The following RSPO4 variants were observed in gnomAD, a reference collection of about 807,000 sequenced individuals.
RSPO4 encodes R-spondin-4.
A neutral mutation model predicts 24.8 loss-of-function variants in RSPO4; 23 were observed. The observed-to-expected ratio is 0.93, with a 90% CI of 0.67 to 1.31. The LOEUF is 1.31. Among genes scored for constraint, RSPO4 ranks in the 40% most tolerant of loss-of-function variants. The pLI is 0.00. For missense variants in RSPO4, 333 were observed against 316.5 expected, an observed-to-expected ratio of 1.05 and a Z score of -0.39; for synonymous variants, 141 against 127.4, an observed-to-expected ratio of 1.11 and a Z score of -0.72.
intron 1 of RSPO4, among the ~76,000 whole-genome samples, chr20:972,559 G>A (rs1443306070): frequency 1.3e-5 from 2 of 152,222 alleles, no homozygotes; most frequent in Non-Finnish European, 2.9e-5. Context: ...AGGCTTAAGA[G>A]TGGAGCCATG....
intron 1 of RSPO4, among the ~76,000 whole-genome samples, chr20:980,277 C>T (rs574888754): frequency 1.1e-4 from 17 of 152,074 alleles, no homozygotes; most frequent in Admixed American, 5.2e-4. Context: ...TATCCCTGTG[C>T]GCCTCCTCAG....
chr20:963,268 TG>T (rs1200602355), intron 4 of RSPO4, among the ~76,000 whole-genome samples: 2 of 152,206 alleles, frequency 1.3e-5, no homozygotes, highest in African/African-American at 4.8e-5. Context: ...CTGAAAAGTC[TG>T]CTTGCTGGGA....
intron 1 of RSPO4, among the ~76,000 whole-genome samples, chr20:977,354 C>G (rs769636353): frequency 6.6e-6 from 1 of 152,216 alleles, no homozygotes; most frequent in African/African-American, 2.4e-5. Context: ...AATTTCAGCT[C>G]TGCCCCTTAC....
At chr20:997,290 G>A (rs1451552523) in intron 1 of RSPO4, among the ~76,000 whole-genome samples, 1 of 152,116 alleles carries the variant, frequency 6.6e-6, no homozygotes, top group Non-Finnish European at 1.5e-5. Context: ...AGAGGGAGGT[G>A]GGGCCCCCCG....
chr20:974,260 C>CT (rs1984495889), intron 1 of RSPO4, among the ~76,000 whole-genome samples: 1 of 152,214 alleles, frequency 6.6e-6, no homozygotes, highest in Admixed American at 6.5e-5. Context: ...TCACAGTTTC[C>CT]TTTCCCTGAG....
At chr20:998,220 C>A (rs763777157) in intron 1 of RSPO4, among the ~76,000 whole-genome samples, 1 of 152,098 alleles carries the variant, frequency 6.6e-6, no homozygotes, top group Admixed American at 6.5e-5. Flanking sequence ...ATGTGGGGGT[C>A]CCTCCCCAGA....
intron 1 of RSPO4, among the ~76,000 whole-genome samples, chr20:989,744 G>T (rs1427860244): frequency 1.3e-5 from 2 of 152,192 alleles, no homozygotes; most frequent in South Asian, 4.1e-4. Flanking sequence ...CCTCATCCGC[G>T]AAGTGGAAAC....
intron 1 of RSPO4, among the ~76,000 whole-genome samples, chr20:994,856 G>A (rs1408925321): frequency 1.3e-5 from 2 of 152,210 alleles, no homozygotes; most frequent in East Asian, 1.9e-4. Flanking sequence ...GAGCCACTGC[G>A]CCTGGCTCCA....
At position 1,002,278 on chromosome 20, in the gene RSPO4, C is replaced by T. The variant is rs996554086; in HGVS notation, c.-114G>A. On this transcript the variant is annotated 5_prime_UTR_variant, in exon 1 of 5. Transcript: ENST00000217260. This position sits in a 1 kb window ranked among gnomAD's most constrained non-coding sequence, Gnocchi z 4.6. Reference sequence around the variant, plus strand: ...GCTGCTGTGGGCGCGCCGGGCGCATCCGCCAGGCGCGGGTCGGTCCGGCCG... The same window carrying T: ...GCTGCTGTGGGCGCGCCGGGCGCATTCGCCAGGCGCGGGTCGGTCCGGCCG... 4.2e-6 allele frequency: 2 copies of T among 478,372 alleles called. No homozygotes were observed. The highest frequency in any genetic ancestry group is 8.9e-5 in the South Asian group (1 of 11,212). 29.6% of individuals were successfully genotyped at this position (478,372 alleles called of 1,614,324 possible). A position where few individuals can be genotyped will look rare whatever the true frequency, so the allele number is the denominator to read the frequency against.
Position 960,464 on chromosome 20 carries a change from T to G in RSPO4, c.598A>C (p.Arg200=). ...CPIQRPCPGE[R]SPGQKKGRKD... Reference sequence around the variant, plus strand: ...CTGCCCTTCTTCTGGCCGGGGCTCCTCTCTGCAATGAGAGGACAGAGCCCG... The same window carrying G: ...CTGCCCTTCTTCTGGCCGGGGCTCCGCTCTGCAATGAGAGGACAGAGCCCG... The change falls in exon 5 of 5, where the codon AGG becomes CGG. Residue 200 remains arginine, a splice_region_variant and synonymous_variant. Transcript: ENST00000217260. 6.5e-7 allele frequency: 1 copy of G among 1,538,360 alleles called. No individual in the cohort carries two copies. Among genetic ancestry groups the G allele is most frequent in the Non-Finnish European group, 8.7e-7 (1 of 1,146,324 alleles).
In RSPO4 at chr20:980,565, C is replaced by T. The variant is rs563911153; in HGVS notation, c.80-12427G>A. On this transcript the variant is annotated intron_variant, in intron 1 of 4. Transcript: ENST00000217260. ...TTCTCCAGGAGTGAGTCTCCTGCCTCGCAGCTGGGACTTGGGGAGGATGAA... is the reference window on the plus strand; with the variant it reads ...TTCTCCAGGAGTGAGTCTCCTGCCTTGCAGCTGGGACTTGGGGAGGATGAA... Among the ~76,000 whole-genome samples, 9 of 152,330 alleles carry T rather than the reference C, an allele frequency of 5.9e-5. No homozygotes were observed. The South Asian group carries it at 1.5e-3, about 25-fold the overall frequency.
chr20:993,183 CAG>C (rs1347631134), intron 1 of RSPO4, among the ~76,000 whole-genome samples: 1 of 152,174 alleles, frequency 6.6e-6, no homozygotes, highest in Non-Finnish European at 1.5e-5. Context: ...GCTGGTGAAA[CAG>C]AATTTCCCAC....
In RSPO4 at chr20:964,055, A is replaced by G; in HGVS notation, c.475T>C (p.Ser159Pro). Reference sequence around the variant, plus strand: ...ACCCGGCTCTCCAGGCCCCAAGCCGAGCCGCAGGTCTTTCCATTGTGTGTG... The same window carrying G: ...ACCCGGCTCTCCAGGCCCCAAGCCGGGCCGCAGGTCTTTCCATTGTGTGTG... ...PCTHNGKTCG[S>P]AWGLESRVRE... is the part of the protein sequence containing the mutation. Residue 159 changes from serine to proline, a missense_variant, in exon 4 of 5, where the codon TCG becomes CCG. By Grantham distance (74) the Ser-to-Pro change is moderately conservative (BLOSUM62 -1). Coordinates refer to ENST00000217260, the MANE Select transcript of RSPO4 (RefSeq NM_001029871.4). 1 of 1,613,792 alleles carries G rather than the reference A, an allele frequency of 6.2e-7. No individual in the cohort carries two copies.
intron 1 of RSPO4, among the ~76,000 whole-genome samples, chr20:1,000,449 T>C (rs930363352): frequency 6.6e-6 from 1 of 152,326 alleles, no homozygotes; most frequent in East Asian, 1.9e-4. Flanking sequence ...CGAGCACCCA[T>C]TAGGAGCCTG....
chr20:960,079 A>C lies in RSPO4; in HGVS notation c.*278T>G. On this transcript the variant is annotated 3_prime_UTR_variant, in exon 5 of 5. Transcript: ENST00000217260. The stretch of plus-strand genomic sequence containing the variant: ...GTGAAGGACAGGAAGAAACACAGGA[A>C]GAAAGAAAAGGAAAGATAAAAGATA... 1 of 520,112 alleles carries C rather than the reference A, an allele frequency of 1.9e-6. No homozygotes were observed. Among genetic ancestry groups the C allele is most frequent in the Non-Finnish European group, 3.4e-6 (1 of 289,992 alleles). 32.2% of individuals were successfully genotyped at this position (520,112 alleles called of 1,614,324 possible).
intron 4 of RSPO4, among the ~76,000 whole-genome samples, chr20:963,672 T>G (rs1984078065): frequency 6.6e-6 from 1 of 152,212 alleles, no homozygotes; most frequent in South Asian, 2.1e-4. Flanking sequence ...ATCCTTCTTA[T>G]TAAAAGGGGG....
intron 1 of RSPO4, among the ~76,000 whole-genome samples, chr20:994,865 CA>C (rs1003737855): frequency 9.2e-5 from 14 of 152,192 alleles, no homozygotes; most frequent in Non-Finnish European, 1.8e-4. Flanking sequence ...CGCCTGGCTC[CA>C]TCCTGTCTTC....
Position 967,183 on chromosome 20 carries a change from C to G in RSPO4, c.400G>C (p.Glu134Gln). ...PGTLAHQNTR[E>Q]CQGECELGPW... is the part of the protein sequence containing the mutation. The stretch of plus-strand genomic sequence containing the variant: ...GGAGGTCCCCACTCACCCTGGCACT[C>G]CCGTGTGTTCTGGTGGGCCAAAGTG... The change falls in exon 3 of 5, where the codon GAG becomes CAG. Residue 134 changes from glutamate (E) to glutamine (Q), a missense_variant. By Grantham distance (29) the Glu-to-Gln change is conservative (BLOSUM62 2). Transcript: ENST00000217260. 6.2e-7 allele frequency: 1 copy of G among 1,613,706 alleles called. No homozygotes were observed. Among genetic ancestry groups the G allele is most frequent in the Non-Finnish European group, 8.5e-7 (1 of 1,179,946 alleles).
intron 1 of RSPO4, among the ~76,000 whole-genome samples, chr20:990,015 A>C (rs1268531525): frequency 2.0e-5 from 3 of 152,054 alleles, no homozygotes; most frequent in Non-Finnish European, 2.9e-5. Flanking sequence ...GGCTACACTT[A>C]CTCCATTGGC....
Sources: allele counts gnomAD v4.1 joint callset (sites outside exome capture counted in the v4.1 genomes callset), GRCh38; gene constraint gnomAD v4.1.1; non-coding constraint Gnocchi (gnomAD v3.1); transcripts MANE v1.5; gene names NCBI Gene and HGNC (gene_info 2026-07-23, HGNC 2026-07-21).